Variants in MED12L observed in about 807,000 individuals in gnomAD.
The protein encoded by MED12L is mediator complex subunit 12L.
MED12L carries 60 observed loss-of-function variants against 281.3 expected under a neutral mutation model. The observed-to-expected ratio is 0.21, with a 90% confidence interval of 0.17 to 0.26. The LOEUF (loss-of-function observed/expected upper bound fraction) is 0.26. MED12L is among the 10% of genes least tolerant of loss of function. MED12L has a pLI of 1.00. For missense variants in MED12L, 2,146 were observed against 2,680.9 expected, an observed-to-expected ratio of 0.80 and a Z score of 4.41; for synonymous variants, 974 against 987.2, an observed-to-expected ratio of 0.99 and a Z score of 0.25.
chr3:151,187,505 A>C (rs1265437212), intron 12 of MED12L, among the ~76,000 whole-genome samples: 1 of 152,242 alleles, frequency 6.6e-6, no homozygotes, highest in African/African-American at 2.4e-5. Context: ...TCACAAAGAG[A>C]AAATAGATTG....
At chr3:151,343,535 G>A (rs1052444977) in intron 16 of MED12L, among the ~76,000 whole-genome samples, 1 of 152,160 alleles carries the variant, frequency 6.6e-6, no homozygotes, top group African/African-American at 2.4e-5. Context: ...AAATCTTTAA[G>A]TGAAAAGTAT....
At chr3:151,190,501 G>A (rs1452113206) in intron 13 of MED12L, among the ~76,000 whole-genome samples, 1 of 152,064 alleles carries the variant, frequency 6.6e-6, no homozygotes, top group East Asian at 1.9e-4. Flanking sequence ...TTGTAATCAT[G>A]TTTACCATAC....
intron 39 of MED12L, among the ~76,000 whole-genome samples, chr3:151,400,807 A>G (rs1402440437): frequency 1.3e-5 from 2 of 152,200 alleles, no homozygotes; most frequent in Non-Finnish European, 2.9e-5. Context: ...CTTTAATGGT[A>G]TACATATTTC....
chr3:151,247,947 T>TTTC (rs1203197867), intron 16 of MED12L, among the ~76,000 whole-genome samples: 47 of 131,516 alleles, frequency 3.6e-4, no homozygotes, highest in Non-Finnish European at 4.3e-4. Context: ...GTTTACTTTC[T>TTTC]TTCTTCTTCT....
At chr3:151,358,216 T>C (rs1292614193) in intron 20 of MED12L, among the ~76,000 whole-genome samples, 2 of 152,200 alleles carry the variant, frequency 1.3e-5, no homozygotes, top group Non-Finnish European at 2.9e-5. Flanking sequence ...TTTATTTGTA[T>C]TAATTACATG....
At chr3:151,138,109 A>T (rs1316554517) in intron 5 of MED12L, among the ~76,000 whole-genome samples, 2 of 152,002 alleles carry the variant, frequency 1.3e-5, no homozygotes, top group Non-Finnish European at 2.9e-5. Context: ...GCAAATACTT[A>T]TATCTTCTTA....
intron 36 of MED12L, among the ~76,000 whole-genome samples, 189 bp downstream of exon 36, chr3:151,385,380 C>T (rs999419520): frequency 4.0e-5 from 6 of 151,698 alleles, no homozygotes; most frequent in Non-Finnish European, 5.9e-5. Flanking sequence ...TGAAGATCTA[C>T]GTTTTATATG....
At position 151,432,906 on chromosome 3, in the gene MED12L, C is replaced by A; in HGVS notation, c.*102C>A. The A allele has an allele frequency of 1.2e-5, 10 of 821,626 alleles. No homozygotes were observed. Among genetic ancestry groups the A allele is most frequent in the East Asian group, 3.0e-5 (1 of 33,548 alleles). The allele number at this position is 821,626 out of a possible 1,614,324, so 50.9% of individuals were successfully genotyped here. On this transcript the variant is annotated 3_prime_UTR_variant, in exon 45 of 45. Coordinates refer to ENST00000687756, the MANE Select transcript of MED12L (RefSeq NM_001393769.1). ...TTAAAAATGTCCCTTTTTTTCATTT[C>A]TTTGACATTTTACTATATTTTATGC...
At chr3:151,091,226 A>G (rs1379902523) in intron 2 of MED12L, among the ~76,000 whole-genome samples, 1 of 152,214 alleles carries the variant, frequency 6.6e-6, no homozygotes, top group East Asian at 1.9e-4. Flanking sequence ...CCTGGTGTGC[A>G]GTGCAGGGGC....
At chr3:151,264,652 G>T (rs764218997) in intron 16 of MED12L, among the ~76,000 whole-genome samples, 6 of 152,224 alleles carry the variant, frequency 3.9e-5, no homozygotes, top group Non-Finnish European at 7.3e-5. Context: ...AATGCTGGGA[G>T]CAGGAGCCTC....
At chr3:151,385,905 C>T (rs1055728831) in intron 36 of MED12L, among the ~76,000 whole-genome samples, 2 of 151,792 alleles carry the variant, frequency 1.3e-5, no homozygotes, top group African/African-American at 4.8e-5. Flanking sequence ...AGTAAGCAAC[C>T]ACCGACATTC....
At chr3:151,175,274 T>A (rs866600768) in intron 11 of MED12L, among the ~76,000 whole-genome samples, 1 of 152,234 alleles carries the variant, frequency 6.6e-6, no homozygotes, top group African/African-American at 2.4e-5. Flanking sequence ...GGTGCTGTAA[T>A]ATGAATAATA....
At chr3:151,266,232 C>A (rs2149523328) in intron 16 of MED12L, among the ~76,000 whole-genome samples, 1 of 152,306 alleles carries the variant, frequency 6.6e-6, no homozygotes, top group East Asian at 1.9e-4. Flanking sequence ...GATGTCCCTT[C>A]ATGACCTCAA....
intron 16 of MED12L, among the ~76,000 whole-genome samples, chr3:151,254,842 TTGCTGTCTTATAAA>T (rs1737522479): frequency 6.6e-6 from 1 of 152,226 alleles, no homozygotes; most frequent in African/African-American, 2.4e-5. Flanking sequence ...GTTGCAATTA[TTGCTGTCTTATAAA>T]TGTCACATAC....
intron 32 of MED12L, 54 bp downstream of exon 32, chr3:151,380,278 T>G (rs1712017334): frequency 1.6e-6 from 2 of 1,213,292 alleles, no homozygotes; most frequent in African/African-American, 3.1e-5. Flanking sequence ...CGGCATTCAT[T>G]TATTTGCCTT....
At chr3:151,233,538 A>G (rs748424728) in intron 16 of MED12L, among the ~76,000 whole-genome samples, 4 of 152,202 alleles carry the variant, frequency 2.6e-5, no homozygotes, top group African/African-American at 4.8e-5. Flanking sequence ...GTTTGAGACC[A>G]GCCTGACCAA....
chr3:151,295,075 G>C (rs755749601), intron 16 of MED12L: 2 of 1,613,688 alleles, frequency 1.2e-6, no homozygotes, highest in Non-Finnish European at 8.5e-7. Flanking sequence ...CATTCAGCAA[G>C]ATGCTTGCCA....
intron 16 of MED12L, among the ~76,000 whole-genome samples, chr3:151,210,842 A>G (rs1268295960): frequency 6.6e-6 from 1 of 152,254 alleles, no homozygotes; most frequent in Non-Finnish European, 1.5e-5. Context: ...ACTCTGAGGC[A>G]GAGGCTCTCA....
intron 26 of MED12L, 69 bp from the exon 27 acceptor site, chr3:151,372,498 A>T (rs1484727832): frequency 2.6e-6 from 3 of 1,133,862 alleles, no homozygotes; most frequent in Non-Finnish European, 4.0e-6. Flanking sequence ...TGCTATCCTC[A>T]TTTGCTCCTC....
Sources: gnomAD v4.1 joint callset for allele counts (sites outside exome capture counted in the v4.1 genomes callset) on GRCh38, gnomAD v4.1.1 for gene constraint, MANE v1.5 for transcripts, NCBI Gene and HGNC (gene_info 2026-07-23, HGNC 2026-07-21) for gene names.